The following SGCD variants were observed in gnomAD, a reference collection of about 807,000 sequenced individuals.
The protein encoded by SGCD is sarcoglycan delta, also known as delta-sarcoglycan.
In SGCD, 18 loss-of-function variants were observed where a neutral mutation model predicts 36.6. The ratio of observed to expected loss-of-function variants is 0.49; its 90% CI spans 0.34 to 0.73. SGCD has a LOEUF of 0.73. Ranked by LOEUF, SGCD falls within the 30% of genes least tolerant of loss-of-function variation. The pLI is 0.01. For synonymous variants in SGCD, 133 were observed against 130.6 expected (o/e 1.02, Z -0.12); for missense variants, 387 against 346.7 (o/e 1.12, Z -0.92).
At chr5:156,357,054 T>C (rs1769528568) in intron 3 of SGCD, among the ~76,000 whole-genome samples, 1 of 152,254 alleles carries the variant, frequency 6.6e-6, no homozygotes, top group Admixed American at 6.5e-5. Context: ...TAATTTGTCA[T>C]GGTAGCCACA....
intron 1 of SGCD, among the ~76,000 whole-genome samples, chr5:156,029,855 C>T (rs1759305458): frequency 6.6e-6 from 1 of 152,102 alleles, no homozygotes; most frequent in African/African-American, 2.4e-5. Flanking sequence ...TTCGTTCATA[C>T]AGCTTCGCTA....
At chr5:156,592,695 C>T (rs943164098) in intron 5 of SGCD, among the ~76,000 whole-genome samples, 4 of 152,136 alleles carry the variant, frequency 2.6e-5, no homozygotes, top group Admixed American at 2.6e-4. Context: ...CTCCGCCTTG[C>T]CCCCATTTGT....
intron 3 of SGCD, among the ~76,000 whole-genome samples, chr5:156,188,166 T>C (rs1250518807): frequency 6.6e-6 from 1 of 152,184 alleles, no homozygotes; most frequent in Non-Finnish European, 1.5e-5. Flanking sequence ...AAGAAACTCA[T>C]TCATTCTTTT....
intron 3 of SGCD, among the ~76,000 whole-genome samples, chr5:156,432,510 G>A (rs764535605): frequency 2.1e-4 from 32 of 152,134 alleles, no homozygotes; most frequent in Non-Finnish European, 2.9e-4. Flanking sequence ...ATTGGGCGGG[G>A]CCATAAAGCT....
intron 1 of SGCD, among the ~76,000 whole-genome samples, chr5:155,988,236 T>C (rs1758369558): frequency 5.9e-5 from 9 of 152,272 alleles, no homozygotes; most frequent in Admixed American, 4.6e-4. Flanking sequence ...ATGACTGCTG[T>C]AACTCCAAAC....
intron 1 of SGCD, among the ~76,000 whole-genome samples, chr5:156,071,687 G>C (rs1760568772): frequency 6.6e-6 from 1 of 152,182 alleles, no homozygotes; most frequent in Non-Finnish European, 1.5e-5. Flanking sequence ...GGATATCCTT[G>C]TTAACTTTCT....
rs564031349 is a variant in SGCD at position 156,413,388 on chromosome 5, C to T, written c.192+68711C>T. ...ATAGGGATACAGAGCTCAGAGAAGA[C>T]CACGCCTAACATACTACTTTAGACT... On this transcript the variant is annotated intron_variant, in intron 3 of 8. Transcript: ENST00000337851. 1.4e-4 allele frequency among the ~76,000 whole-genome samples: 22 copies of T among 152,314 alleles called. No homozygotes were observed. In the South Asian group the frequency reaches 2.5e-3, roughly 17 times the overall value.
At chr5:156,347,756 A>T (rs1580853737) in intron 3 of SGCD, among the ~76,000 whole-genome samples, 1 of 152,324 alleles carries the variant, frequency 6.6e-6, no homozygotes, top group African/African-American at 2.4e-5. Context: ...GTGATATTAT[A>T]CCAATACTGC....
chr5:156,392,563 G>A (rs1580919317), intron 3 of SGCD, among the ~76,000 whole-genome samples: 2 of 152,316 alleles, frequency 1.3e-5, no homozygotes, highest in East Asian at 3.9e-4. Flanking sequence ...AACCATCATA[G>A]GCAGCTTGTG....
At chr5:156,184,371 G>GTTTTTTTTTTTTTT (rs3036754) in intron 3 of SGCD, among the ~76,000 whole-genome samples, 1 of 141,498 alleles carries the variant, frequency 7.1e-6, no homozygotes, top group Non-Finnish European at 1.5e-5. Context: ...CAAGCAGCCA[G>GTTTTTTTTTTTTTT]TTTTTTTTTT....
chr5:156,130,304 T>C (rs1411273772), intron 3 of SGCD, among the ~76,000 whole-genome samples: 1 of 152,234 alleles, frequency 6.6e-6, no homozygotes, highest in Non-Finnish European at 1.5e-5. Flanking sequence ...GAAAAGTATT[T>C]ATGTCCTTTG....
At chr5:156,132,880 G>C (rs1762362507) in intron 3 of SGCD, among the ~76,000 whole-genome samples, 1 of 152,168 alleles carries the variant, frequency 6.6e-6, no homozygotes, top group African/African-American at 2.4e-5. Context: ...ATATCTTAGT[G>C]TCAAACATGG....
chr5:156,751,878 A>G (rs955576578), intron 7 of SGCD, among the ~76,000 whole-genome samples: 1 of 152,248 alleles, frequency 6.6e-6, no homozygotes, highest in Admixed American at 6.5e-5. Flanking sequence ...ATTATCTAAT[A>G]AAGCTGTAGA....
chr5:155,868,914 T>G (rs1366473212), upstream of SGCD, among the ~76,000 whole-genome samples: 2 of 152,108 alleles, frequency 1.3e-5, no homozygotes, highest in East Asian at 3.9e-4. Flanking sequence ...GCAAGAAATG[T>G]GAACAGTAAT....
intron 4 of SGCD, among the ~76,000 whole-genome samples, chr5:156,577,875 G>C (rs1255545713): frequency 6.6e-6 from 1 of 152,188 alleles, no homozygotes; most frequent in Non-Finnish European, 1.5e-5. Flanking sequence ...GGGACAAGTT[G>C]ACTTCCTCTT....
the SGCD span, among the ~76,000 whole-genome samples, chr5:155,778,756 C>CT: frequency 6.6e-6 from 1 of 152,254 alleles, no homozygotes; most frequent in South Asian, 2.1e-4. Flanking sequence ...TTAATTATTA[C>CT]TTTTTTCTCC....
chr5:156,645,961 C>A (rs886801384), intron 6 of SGCD, among the ~76,000 whole-genome samples: 1 of 152,070 alleles, frequency 6.6e-6, no homozygotes, highest in African/African-American at 2.4e-5. Flanking sequence ...TTCCAAGATT[C>A]CTGGGAGATA....
At chr5:155,778,928 A>G in the SGCD span, among the ~76,000 whole-genome samples, 1 of 152,164 alleles carries the variant, frequency 6.6e-6, no homozygotes, top group Admixed American at 6.6e-5. Context: ...TTCCACCATT[A>G]AGAATTTCTG....
Position 156,259,033 on chromosome 5 carries a change from G to A in SGCD, c.-43-70501G>A, listed in dbSNP as rs114852582. Among the ~76,000 whole-genome samples the A allele has an allele frequency of 7.4e-3, 1,120 of 152,038 alleles. 7 individuals carry two copies. Among genetic ancestry groups the A allele is most frequent in the African/African-American group, 0.021 (866 of 41,510 alleles). ...ACACTTATAAGAAACTGGCAAACAC[G>A]TCTTCAGAGTGATTTTACAATTTTA... is the stretch of plus-strand genomic sequence containing the variant. On this transcript the variant is annotated intron_variant, in intron 3 of 9. Coordinates refer to the SGCD transcript ENST00000517913.
Sources: allele counts gnomAD v4.1 joint callset (sites outside exome capture counted in the v4.1 genomes callset), GRCh38; gene constraint gnomAD v4.1.1; transcripts MANE v1.5; gene names NCBI Gene and HGNC (gene_info 2026-07-23, HGNC 2026-07-21).